BEST1: variants seen among roughly 807,000 people sequenced by gnomAD.
BEST1 encodes the protein bestrophin-1.
In BEST1, 58 loss-of-function variants were observed where a neutral mutation model predicts 63.3. The observed-to-expected ratio is 0.92, with a 90% CI of 0.74 to 1.14. The LOEUF (loss-of-function observed/expected upper bound fraction) is 1.14. Among genes scored for constraint, BEST1 ranks in the 50% most tolerant of loss-of-function variants. BEST1 has a pLI of 0.00. For synonymous variants in BEST1, 283 were observed against 291.6 expected, an observed-to-expected ratio of 0.97 and a Z score of 0.30; for missense variants, 671 against 740.1, an observed-to-expected ratio of 0.91 and a Z score of 1.08.
Position 61,959,967 on chromosome 11 carries a change from G to A in BEST1, c.1024G>A (p.Glu342Lys), listed in dbSNP as rs202234687. The A allele has an allele frequency of 5.6e-6, 9 of 1,612,492 alleles. No individual in the cohort carries two copies. In the Admixed American group the frequency reaches 6.7e-5, roughly 12 times the overall value. Residue 342 changes from glutamate to lysine, a missense_variant, in exon 9 of 11, where the codon GAG (glutamate) becomes AAG (lysine). Coordinates refer to ENST00000378043, the MANE Select transcript of BEST1 (RefSeq NM_004183.4). ...MEPDMYWNKP[E>K]PQPPYTAASA... ...GCCGGACATGTACTGGAATAAGCCCGAGCCACAGCCCCCCTACACAGCTGC... is the reference window on the plus strand; with the variant it reads ...GCCGGACATGTACTGGAATAAGCCCAAGCCACAGCCCCCCTACACAGCTGC...
In BEST1 at chr11:61,964,164, CTG is replaced by C. The variant is rs748505594; in HGVS notation, c.*48_*49del. On this transcript the variant is annotated 3_prime_UTR_variant, in exon 11 of 11. Transcript: ENST00000378043. ...GATGCTTCGCCAGCCAGGTCCTCACCTGTGTGTACACCAGCAGGACACTGATC... is the reference window on the plus strand; with the variant it reads ...GATGCTTCGCCAGCCAGGTCCTCACCTGTGTACACCAGCAGGACACTGATC... The C allele has an allele frequency of 2.5e-6, 4 of 1,613,334 alleles. No individual in the cohort carries two copies. The highest frequency in any genetic ancestry group is 1.1e-5 in the South Asian group (1 of 90,956).
chr11:61,955,511 A>C, intron 3 of BEST1: 1 of 1,065,434 alleles, frequency 9.4e-7, no homozygotes, highest in Non-Finnish European at 1.3e-6. Flanking sequence ...CAGCAGGGGG[A>C]CCCCCGGGTG....
Position 61,962,658 on chromosome 11 carries a change from T to G in BEST1, c.1504T>G (p.Leu502Val). ...AGGCATAGACACCAAAGACAAAAGC[T>G]TAAAGACTGTGAGTTCTGGGGCCAA... ...VTGIDTKDKS[L>V]KTVSSGAKKS... The change falls in exon 10 of 11, where the codon TTA becomes GTA. Residue 502 changes from leucine to valine, a missense_variant. Leu to Val is a conservative substitution (Grantham distance 32). Coordinates refer to ENST00000378043, the MANE Select transcript of BEST1 (RefSeq NM_004183.4). The G allele has an allele frequency of 6.2e-7, 1 of 1,614,134 alleles. No individual in the cohort carries two copies. The highest frequency in any genetic ancestry group is 8.5e-7 in the Non-Finnish European group (1 of 1,180,032).
At chr11:61,953,860 T>C (rs951352069) in intron 2 of BEST1, among the ~76,000 whole-genome samples, 3 of 151,938 alleles carry the variant, frequency 2.0e-5, no homozygotes, top group Non-Finnish European at 2.9e-5. Flanking sequence ...CCCTTGAGCC[T>C]GGGTAACAGA....
Position 61,957,033 on chromosome 11 carries a change from T to A in BEST1, c.636+35T>A, listed in dbSNP as rs202092275. Reference sequence around the variant, plus strand: ...CTGTACAGACAGGGCTGCCGCAGAGTGGGAAGGGCTGTGGTCCACAGGAAA... The same window carrying A: ...CTGTACAGACAGGGCTGCCGCAGAGAGGGAAGGGCTGTGGTCCACAGGAAA... On this transcript the variant is annotated intron_variant, in intron 5 of 10. Transcript: ENST00000378043. The A allele has an allele frequency of 1.7e-3, 2,670 of 1,613,110 alleles. 9 individuals carry two copies. Among genetic ancestry groups the A allele is most frequent in the Non-Finnish European group, 1.9e-3 (2,269 of 1,179,760 alleles).
downstream of BEST1, chr11:61,965,446 C>T (rs1942431394): frequency 1.2e-6 from 2 of 1,612,106 alleles, no homozygotes; most frequent in Non-Finnish European, 1.7e-6. Context: ...TCCCTCTCCT[C>T]ATGAGATTGG....
intron 8 of BEST1, 154 bp from the exon 9 acceptor site, chr11:61,959,738 C>A: frequency 1.5e-6 from 2 of 1,327,066 alleles, no homozygotes; most frequent in South Asian, 1.2e-5. Flanking sequence ...TCACCTCAAT[C>A]TTTGAGGCTG....
At chr11:61,959,022 G>T in intron 7 of BEST1, 1 of 253,664 alleles carries the variant, frequency 3.9e-6, no homozygotes. Flanking sequence ...TCTCCGGGGT[G>T]CCCCAGTGGC....
Position 61,958,160 on chromosome 11 carries a change from G to T in BEST1, c.729G>T (p.Ala243=). The T allele has an allele frequency of 6.2e-7, 1 of 1,614,112 alleles. No homozygotes were observed. Among genetic ancestry groups the T allele is most frequent in the Non-Finnish European group, 8.5e-7 (1 of 1,180,028 alleles). Residue 243 remains alanine (A), a synonymous_variant, in exon 7 of 11, where the codon GCG becomes GCT. Transcript: ENST00000378043. ...PLVYTQVVTV[A]VYSFFLTCLV... is the part of the protein sequence containing the mutation. ...CCTCCTCCCAGGTGGTGACTGTGGC[G>T]GTGTACAGCTTCTTCCTGACTTGTC...
At chr11:61,958,617 A>G in intron 7 of BEST1, 2 of 623,544 alleles carry the variant, frequency 3.2e-6, no homozygotes, top group South Asian at 3.8e-5. Flanking sequence ...TGCCCTTTAG[A>G]AGGCAGATCG....
At chr11:61,962,048 C>G in intron 9 of BEST1, 1 of 609,770 alleles carries the variant, frequency 1.6e-6, no homozygotes, top group Non-Finnish European at 2.9e-6. Flanking sequence ...AGGGAATCAA[C>G]AAACAGTGAG....
intron 4 of BEST1, 125 bp from the exon 5 acceptor site, chr11:61,956,719 A>G: frequency 4.9e-6 from 6 of 1,228,810 alleles, no homozygotes; most frequent in Non-Finnish European, 5.9e-6. Context: ...AGGTGCTCAG[A>G]AATTTTTTTG....
chr11:61,960,165 A>G, intron 9 of BEST1, 122 bp downstream of exon 9: 1 of 1,293,972 alleles, frequency 7.7e-7, no homozygotes, highest in Non-Finnish European at 1.1e-6. Flanking sequence ...GCACTGTACT[A>G]TGCTCTTTAT....
chr11:61,960,416 G>A (rs1402299994), intron 9 of BEST1: 1 of 307,108 alleles, frequency 3.3e-6, no homozygotes, highest in Non-Finnish European at 6.3e-6. Context: ...TGTCGCCCAG[G>A]TTGGAGCGCA....
At chr11:61,958,875 C>T in intron 7 of BEST1, 1 of 58,630 alleles carries the variant, frequency 1.7e-5, no homozygotes, top group Non-Finnish European at 4.6e-5. Flanking sequence ...GTCACTGTGA[C>T]ACACACACAC....
At position 61,958,225 on chromosome 11, in the gene BEST1, C is replaced by G. The variant is rs1178323708; in HGVS notation, c.794C>G (p.Pro265Arg). Residue 265 changes from proline (P) to arginine (R), a missense_variant, in exon 7 of 11, where the codon CCT becomes CGT. Physicochemically the swap from Pro to Arg is moderately radical, Grantham distance 103. Transcript: ENST00000378043. ...TTTCTGAACCCAGCCAAGGCCTACC[C>G]TGGCCATGAGCTGGACCTCGTTGTG... ...RQFLNPAKAY[P>R]GHELDLVVPV... is the part of the protein sequence containing the mutation. 6.2e-6 allele frequency: 10 copies of G among 1,614,230 alleles called. No individual in the cohort carries two copies. Among genetic ancestry groups the G allele is most frequent in the Non-Finnish European group, 1.7e-6 (2 of 1,180,040 alleles).
rs148662546 is a variant in BEST1, at chr11:61,959,481, C to G, written c.868-17C>G. On this transcript the variant is annotated splice_polypyrimidine_tract_variant and intron_variant, in intron 7 of 10. Transcript: ENST00000378043. ...GAGTTCTGCCTGAGGGTTTACAGAG[C>G]CTCACCTGTCCCCAAGGTGGCAGAG... The G allele has an allele frequency of 3.1e-6, 5 of 1,613,708 alleles. No homozygotes were observed. The highest frequency in any genetic ancestry group is 4.2e-6 in the Non-Finnish European group (5 of 1,179,622).
chr11:61,962,019 G>A, intron 9 of BEST1: 1 of 580,170 alleles, frequency 1.7e-6, no homozygotes, highest in Non-Finnish European at 3.1e-6. Flanking sequence ...GCGGGGGTTG[G>A]ATGTTAACTC....
chr11:61,963,058 T>A (rs766182232), intron 10 of BEST1, 165 bp downstream of exon 10: 2 of 1,505,060 alleles, frequency 1.3e-6, no homozygotes, highest in South Asian at 2.6e-5. Context: ...TTGGCCACCT[T>A]CACAGGGATC....
Sources: gnomAD v4.1 joint callset for allele counts (sites outside exome capture counted in the v4.1 genomes callset) on GRCh38, gnomAD v4.1.1 for gene constraint, MANE v1.5 for transcripts, NCBI Gene and HGNC (gene_info 2026-07-23, HGNC 2026-07-21) for gene names.